ADAMTSL3: variants seen among roughly 807,000 people sequenced by gnomAD.
ADAMTSL3 encodes the protein ADAMTS-like protein 3.
A neutral mutation model predicts 201.7 loss-of-function variants in ADAMTSL3; 128 were observed. The observed-to-expected ratio is 0.63, with a 90% CI of 0.55 to 0.73. The LOEUF is 0.73. ADAMTSL3 is among the 30% of genes least tolerant of loss of function. ADAMTSL3 has a pLI of 0.00. For missense variants in ADAMTSL3, 1,990 were observed against 2,119.6 expected, an observed-to-expected ratio of 0.94 and a Z score of 1.20; for synonymous variants, 738 against 748.4, an observed-to-expected ratio of 0.99 and a Z score of 0.23.
chr15:83,846,210 T>G (rs537839941), intron 7 of ADAMTSL3, among the ~76,000 whole-genome samples: 3 of 152,338 alleles, frequency 2.0e-5, no homozygotes, highest in South Asian at 4.1e-4. Flanking sequence ...CCCCAGGGTT[T>G]GTATGCTTAC....
intron 13 of ADAMTSL3, among the ~76,000 whole-genome samples, chr15:83,893,631 C>T (rs957312634): frequency 2.6e-5 from 4 of 152,016 alleles, no homozygotes; most frequent in Non-Finnish European, 4.4e-5. Flanking sequence ...AGACCAGAGG[C>T]GGGCAGCCTA....
intron 23 of ADAMTSL3, among the ~76,000 whole-genome samples, chr15:84,008,790 A>C (rs2067947466): frequency 6.6e-6 from 1 of 152,176 alleles, no homozygotes; most frequent in Non-Finnish European, 1.5e-5. Flanking sequence ...CAAACTTAAC[A>C]TGTCCAAAAC....
chr15:83,819,675 A>G, intron 5 of ADAMTSL3, 136 bp from the exon 6 acceptor site: 1 of 643,808 alleles, frequency 1.6e-6, no homozygotes, highest in Non-Finnish European at 2.7e-6. Context: ...AAAAAAAAAA[A>G]AAAAGAGGGA....
Position 84,036,944 on chromosome 15 carries a change from G to GA in ADAMTSL3, c.4929dup (p.Pro1644ThrfsTer13). The GA allele has an allele frequency of 1.2e-6, 2 of 1,614,044 alleles. No homozygotes were observed. Among genetic ancestry groups the GA allele is most frequent in the Non-Finnish European group, 1.7e-6 (2 of 1,180,016 alleles). ...CCAAGAGACACTGTGTACAGAAAAA[G>GA]AAACCAATTTCCTGGCGGCACTGTC... On this transcript the variant is annotated frameshift_variant, in exon 29 of 30. Transcript: ENST00000286744. LOFTEE classifies it high-confidence loss of function.
chr15:83,907,652 C>T (rs1265080401), intron 15 of ADAMTSL3, among the ~76,000 whole-genome samples: 3 of 152,190 alleles, frequency 2.0e-5, no homozygotes, highest in Admixed American at 2.0e-4. Context: ...GATCTGCCCA[C>T]CTTGGCCTCC....
At chr15:83,987,723 G>C (rs1029252123) in intron 21 of ADAMTSL3, among the ~76,000 whole-genome samples, 9 of 152,140 alleles carry the variant, frequency 5.9e-5, no homozygotes, top group African/African-American at 2.2e-4. Context: ...AACAGTTAAG[G>C]TTCATTATGA....
At chr15:83,802,434 T>TA (rs1222107804) in intron 4 of ADAMTSL3, among the ~76,000 whole-genome samples, 10 of 152,198 alleles carry the variant, frequency 6.6e-5, no homozygotes, top group African/African-American at 2.2e-4. Context: ...TTTTCATACT[T>TA]ACCCAAAACT....
At chr15:83,696,108 C>A (rs2061685260) in intron 2 of ADAMTSL3, among the ~76,000 whole-genome samples, 1 of 152,196 alleles carries the variant, frequency 6.6e-6, no homozygotes, top group Non-Finnish European at 1.5e-5. Context: ...GGCGTTGAGC[C>A]TGGGGATTCT....
intron 23 of ADAMTSL3, among the ~76,000 whole-genome samples, chr15:84,014,316 A>G (rs576970792): frequency 2.9e-4 from 44 of 152,168 alleles, no homozygotes; most frequent in Non-Finnish European, 6.2e-4. Context: ...CATAACTTAT[A>G]TGTGTAAACC....
At chr15:83,863,764 C>T (rs1331679803) in intron 8 of ADAMTSL3, among the ~76,000 whole-genome samples, 1 of 152,046 alleles carries the variant, frequency 6.6e-6, no homozygotes, top group Non-Finnish European at 1.5e-5. Flanking sequence ...TAACTAAGAT[C>T]AGAGCAGAAC....
intron 3 of ADAMTSL3, among the ~76,000 whole-genome samples, chr15:83,760,436 A>G (rs2062789915): frequency 1.3e-5 from 2 of 152,260 alleles, no homozygotes; most frequent in Middle Eastern, 6.8e-3. Context: ...GTTTATAAAC[A>G]TTTCATAAAT....
At chr15:83,940,050 T>G (rs979021325) in intron 17 of ADAMTSL3, among the ~76,000 whole-genome samples, 5 of 152,220 alleles carry the variant, frequency 3.3e-5, no homozygotes, top group African/African-American at 1.2e-4. Flanking sequence ...TTACTTAGAT[T>G]ATTATTGTCA....
rs1043333775 is a variant in ADAMTSL3, at chr15:84,039,323, T to G, written c.*1517T>G. 1 of 152,706 alleles carries G rather than the reference T, an allele frequency of 6.5e-6. No homozygotes were observed. Among genetic ancestry groups the G allele is most frequent in the Non-Finnish European group, 1.5e-5 (1 of 68,090 alleles). 9.5% of individuals were successfully genotyped at this position (152,706 alleles called of 1,614,324 possible). A position where few individuals can be genotyped will look rare whatever the true frequency, so the allele number is the denominator to read the frequency against. On this transcript the variant is annotated 3_prime_UTR_variant, in exon 30 of 30. Coordinates refer to ENST00000286744, the MANE Select transcript of ADAMTSL3 (RefSeq NM_207517.3). ...TGGATGTGTCTGTGGACAAGCTTGC[T>G]GAGTTTCTCTACCATATTCTGAGCA... is the stretch of plus-strand genomic sequence containing the variant.
chr15:83,735,297 A>G (rs544139377), intron 3 of ADAMTSL3, among the ~76,000 whole-genome samples: 20 of 152,182 alleles, frequency 1.3e-4, no homozygotes, highest in Non-Finnish European at 2.2e-4. Flanking sequence ...CTAGCAGCCA[A>G]CTGGGAGAGA....
intron 23 of ADAMTSL3, among the ~76,000 whole-genome samples, chr15:84,004,658 A>G (rs2067860443): frequency 6.6e-6 from 1 of 152,202 alleles, no homozygotes; most frequent in Non-Finnish European, 1.5e-5. Context: ...ACCCAGCTCC[A>G]TGCTCTGGGC....
intron 7 of ADAMTSL3, among the ~76,000 whole-genome samples, chr15:83,851,650 A>C (rs890022669): frequency 2.0e-5 from 3 of 152,196 alleles, no homozygotes; most frequent in Non-Finnish European, 4.4e-5. Flanking sequence ...CAGAATATCC[A>C]GGCAAGGAAA....
chr15:83,922,606 C>CT (rs2066167896), intron 16 of ADAMTSL3, among the ~76,000 whole-genome samples: 1 of 152,166 alleles, frequency 6.6e-6, no homozygotes, highest in South Asian at 2.1e-4. Context: ...TTATATCTCA[C>CT]GTTAGCCAAT....
At chr15:83,705,085 T>G (rs1471907112) in intron 3 of ADAMTSL3, among the ~76,000 whole-genome samples, 1 of 152,114 alleles carries the variant, frequency 6.6e-6, no homozygotes. Context: ...TGTGATTCCC[T>G]TCCATCCTCA....
Position 83,762,825 on chromosome 15 carries a change from C to T in ADAMTSL3, c.190-10698C>T, listed in dbSNP as rs565338378. On this transcript the variant is annotated intron_variant, in intron 3 of 29. Transcript: ENST00000286744. Reference sequence around the variant, plus strand: ...GCTTCTTACTTCTGGAAAATAATGCCGTTCTATAGCAATACTGTGAAGAAT... The same window carrying T: ...GCTTCTTACTTCTGGAAAATAATGCTGTTCTATAGCAATACTGTGAAGAAT... Among the ~76,000 whole-genome samples, 237 of 152,048 alleles carry T rather than the reference C, an allele frequency of 1.6e-3. 1 individual carries two copies. Among genetic ancestry groups the T allele is most frequent in the African/African-American group, 4.9e-3 (202 of 41,494 alleles).
Sources: allele counts gnomAD v4.1 joint callset (sites outside exome capture counted in the v4.1 genomes callset), GRCh38; gene constraint gnomAD v4.1.1; transcripts MANE v1.5; gene names NCBI Gene and HGNC (gene_info 2026-07-23, HGNC 2026-07-21).